Variants in SLC20A2 observed in about 807,000 individuals in gnomAD.
SLC20A2 encodes the protein solute carrier family 20 member 2.
SLC20A2 carries 30 observed loss-of-function variants against 61.0 expected under a neutral mutation model. That is an observed-to-expected ratio of 0.49 (90% CI 0.37 to 0.67). SLC20A2 has a LOEUF of 0.67. Ranked by LOEUF, SLC20A2 falls within the 30% of genes least tolerant of loss-of-function variation. The pLI is 0.00. For synonymous variants in SLC20A2, 351 were observed against 353.3 expected (o/e 0.99, Z 0.07); for missense variants, 626 against 866.4 (o/e 0.72, Z 3.48).
chr8:42,498,107 A>T (rs1276139238), intron 1 of SLC20A2, among the ~76,000 whole-genome samples: 1 of 152,200 alleles, frequency 6.6e-6, no homozygotes, highest in Non-Finnish European at 1.5e-5. Context: ...TTCTATCTAA[A>T]TATCATTTTA....
intron 1 of SLC20A2, among the ~76,000 whole-genome samples, chr8:42,493,452 C>G (rs574763092): frequency 6.6e-6 from 1 of 152,338 alleles, no homozygotes; most frequent in Non-Finnish European, 1.5e-5. Context: ...CACTGTCACT[C>G]AAAATATTAC....
chr8:42,423,517 T>G (rs1803179386), intron 10 of SLC20A2, among the ~76,000 whole-genome samples: 1 of 151,938 alleles, frequency 6.6e-6, no homozygotes, highest in Admixed American at 6.5e-5. Flanking sequence ...TAGAGATTTT[T>G]ATCATGGTCT....
chr8:42,508,415 A>T (rs996657748), intron 1 of SLC20A2, among the ~76,000 whole-genome samples: 1 of 152,100 alleles, frequency 6.6e-6, no homozygotes, highest in Non-Finnish European at 1.5e-5. Context: ...TTTGAGACGG[A>T]GTCTCGCTCT....
chr8:42,462,287 C>T (rs368141123), intron 4 of SLC20A2, among the ~76,000 whole-genome samples: 5 of 152,114 alleles, frequency 3.3e-5, no homozygotes, highest in African/African-American at 7.2e-5. Flanking sequence ...TGGTGCTCTC[C>T]GAGAGAATGG....
chr8:42,429,983 G>A (rs964651895), intron 9 of SLC20A2, 81 bp downstream of exon 9: 1 of 1,280,076 alleles, frequency 7.8e-7, no homozygotes, highest in Non-Finnish European at 1.1e-6. Context: ...TGCTGAGCAG[G>A]CCGTTCAGAC....
chr8:42,481,280 C>T (rs1808531461), intron 1 of SLC20A2, among the ~76,000 whole-genome samples: 4 of 152,158 alleles, frequency 2.6e-5, no homozygotes, highest in Admixed American at 1.3e-4. Flanking sequence ...GACGTGGCTG[C>T]GTCACTGAAA....
chr8:42,484,683 G>A (rs766029729), intron 1 of SLC20A2: 1 of 377,686 alleles, frequency 2.6e-6, no homozygotes, highest in Non-Finnish European at 5.2e-6. Context: ...GATCCAATGT[G>A]CAGTCTGATG....
Position 42,465,913 on chromosome 8 carries a change from G to A in SLC20A2, c.294C>T (p.Ser98=), listed in dbSNP as rs1465003120. 1.1e-5 allele frequency: 18 copies of A among 1,610,394 alleles called. No individual in the cohort carries two copies. Among genetic ancestry groups the A allele is most frequent in the African/African-American group, 8.0e-5 (6 of 74,616 alleles). The change falls in exon 3 of 11, where the codon TCC becomes TCT. Residue 98 remains serine (S), a synonymous_variant. Coordinates refer to ENST00000520262, the MANE Select transcript of SLC20A2 (RefSeq NM_001257180.2). ...MAGEVSAMVG[S]AVWQLIASFL... is the part of the protein sequence containing the mutation. Reference sequence around the variant, plus strand: ...AGGAAGCAATCAGCTGCCACACAGCGGAACCTACAGATTGAAGGACAAAAA... The same window carrying A: ...AGGAAGCAATCAGCTGCCACACAGCAGAACCTACAGATTGAAGGACAAAAA...
rs562448260 is a variant in SLC20A2 at position 42,533,337 on chromosome 8, C to T, written c.-265+8484G>A. On this transcript the variant is annotated intron_variant, in intron 1 of 10. Transcript: ENST00000342228. ...TATTAAAAAAATGTGCCTATTGGGC[C>T]AGGTGCAGTGGCTCACACCTGTAAT... is the stretch of plus-strand genomic sequence containing the variant. 1.0e-3 allele frequency among the ~76,000 whole-genome samples: 156 copies of T among 152,218 alleles called. No homozygotes were observed. In the Middle Eastern group the frequency reaches 0.017, roughly 17 times the overall value.
chr8:42,422,207 C>T (rs1278514035), intron 10 of SLC20A2, among the ~76,000 whole-genome samples: 1 of 152,196 alleles, frequency 6.6e-6, no homozygotes, highest in Non-Finnish European at 1.5e-5. Flanking sequence ...CACCCACCAC[C>T]ACACTTGCCT....
At chr8:42,512,019 G>A (rs1335098586) in intron 1 of SLC20A2, among the ~76,000 whole-genome samples, 1 of 152,132 alleles carries the variant, frequency 6.6e-6, no homozygotes, top group Non-Finnish European at 1.5e-5. Flanking sequence ...CAGGGGGATG[G>A]TTCGCAAAAG....
At chr8:42,514,085 G>A (rs939216186) in intron 1 of SLC20A2, among the ~76,000 whole-genome samples, 5 of 152,144 alleles carry the variant, frequency 3.3e-5, no homozygotes, top group South Asian at 2.1e-4. Context: ...GTAGCTCTGA[G>A]GCTCTCAACT....
At chr8:42,538,281 T>C (rs1812837413) in intron 1 of SLC20A2, 1 of 148,682 alleles carries the variant, frequency 6.7e-6, no homozygotes. Flanking sequence ...AGGTATTATA[T>C]AATATTATAT....
Position 42,459,984 on chromosome 8 carries a change from A to G in SLC20A2, c.525T>C (p.Pro175=). 1 of 1,604,536 alleles carries G rather than the reference A, an allele frequency of 6.2e-7. No homozygotes were observed. Among genetic ancestry groups the G allele is most frequent in the Non-Finnish European group, 8.5e-7 (1 of 1,171,854 alleles). ...GGAGTGCCCGGAGGCCATTGGGAAC[A>G]GGGTCTTCCTGTAGGAAGACAAGGA... ...IRIFILKKED[P]VPNGLRALPV... is the part of the protein sequence containing the mutation. The change falls in exon 5 of 11, where the codon CCT becomes CCC. Residue 175 remains proline (P), a synonymous_variant. Coordinates refer to ENST00000520262, the MANE Select transcript of SLC20A2 (RefSeq NM_001257180.2).
At chr8:42,427,774 T>C (rs760450225) in intron 10 of SLC20A2, among the ~76,000 whole-genome samples, 25 of 152,332 alleles carry the variant, frequency 1.6e-4, no homozygotes, top group Middle Eastern at 6.8e-3. Flanking sequence ...CTTGGCGTTG[T>C]CTTTTAAACA....
rs34643152 is a variant in SLC20A2 at position 42,488,935 on chromosome 8, G to GTTTT, written c.-265+12092_-265+12095dup. On this transcript the variant is annotated intron_variant, in intron 1 of 10. Coordinates refer to ENST00000520262, the MANE Select transcript of SLC20A2 (RefSeq NM_001257180.2). ...TTTGTTTTTGAGTTATAGGAGTTTT[G>GTTTT]TTTTTTTTTTTTTTTTTTTTTTGAA... Among the ~76,000 whole-genome samples the GTTTT allele has an allele frequency of 3.0e-3, 251 of 83,478 alleles. 1 individual carries two copies. Among genetic ancestry groups the GTTTT allele is most frequent in the East Asian group, 4.5e-3 (11 of 2,460 alleles). 54.8% of individuals were successfully genotyped at this position (83,478 alleles called of 152,430 possible). A position where few individuals can be genotyped will look rare whatever the true frequency, so the allele number is the denominator to read the frequency against.
At chr8:42,533,654 C>CTTTTTTTCTTTTTTTTTTTTTCTTT (rs1253260874) in intron 1 of SLC20A2, among the ~76,000 whole-genome samples, 1 of 55,310 alleles carries the variant, frequency 1.8e-5, no homozygotes, top group South Asian at 7.7e-4. Flanking sequence ...ATCAACTGTT[C>CTTTTTTTCTTTTTTTTTTTTTCTTT]TTTTTTTTTT....
At chr8:42,495,494 C>T (rs1407419619) in intron 1 of SLC20A2, among the ~76,000 whole-genome samples, 4 of 152,300 alleles carry the variant, frequency 2.6e-5, no homozygotes, top group Non-Finnish European at 4.4e-5. Context: ...CATTGGGCCT[C>T]ATATGTTCTG....
rs548652172 is a variant in SLC20A2, at chr8:42,420,302, G to A, written c.1795-2335C>T. On this transcript the variant is annotated intron_variant, in intron 10 of 10. Transcript: ENST00000520262. ...TGAATAATATTAACTCTGTGATATC[G>A]AATACACATTTTCTTAAGGTAGTAT... 3.5e-4 allele frequency among the ~76,000 whole-genome samples: 53 copies of A among 151,906 alleles called. 2 individuals carry two copies. Among genetic ancestry groups the A allele is most frequent in the Admixed American group, 2.6e-3 (40 of 15,266 alleles).
Sources: allele counts gnomAD v4.1 joint callset (sites outside exome capture counted in the v4.1 genomes callset), GRCh38; gene constraint gnomAD v4.1.1; transcripts MANE v1.5; gene names NCBI Gene and HGNC (gene_info 2026-07-23, HGNC 2026-07-21).